The following GPRIN3 variants were observed in gnomAD, a reference collection of about 807,000 sequenced individuals.
GPRIN3 encodes GPRIN family member 3, also known as G protein-regulated inducer of neurite outgrowth 3.
GPRIN3 carries 12 observed loss-of-function variants against 13.7 expected under a neutral mutation model. The ratio of observed to expected loss-of-function variants is 0.87; its 90% CI spans 0.56 to 1.42. The LOEUF is 1.42. Among genes scored for constraint, GPRIN3 ranks in the 40% most tolerant of loss-of-function variants. The pLI is 0.00. For missense variants in GPRIN3, 1,009 were observed against 958.7 expected (o/e 1.05, Z -0.69); for synonymous variants, 377 against 372.7 (o/e 1.01, Z -0.13).
chr4:89,298,672 T>C (rs1724808657), intron 1 of GPRIN3, among the ~76,000 whole-genome samples: 2 of 151,508 alleles, frequency 1.3e-5, no homozygotes, highest in Admixed American at 6.6e-5. Flanking sequence ...CATATATATA[T>C]ATGTATATAT....
At chr4:89,290,846 G>A (rs1208028026) in intron 1 of GPRIN3, among the ~76,000 whole-genome samples, 2 of 151,998 alleles carry the variant, frequency 1.3e-5, no homozygotes, top group African/African-American at 2.4e-5. Context: ...AGAGACTGCC[G>A]CATGCCCCAT....
At chr4:89,258,270 G>A (rs1029410910) in intron 1 of GPRIN3, among the ~76,000 whole-genome samples, 15 of 151,466 alleles carry the variant, frequency 9.9e-5, no homozygotes, top group African/African-American at 3.6e-4. Context: ...CTGTCACCAG[G>A]GTGGAGCACA....
At chr4:89,282,078 T>C (rs762805053) in intron 1 of GPRIN3, among the ~76,000 whole-genome samples, 1 of 152,228 alleles carries the variant, frequency 6.6e-6, no homozygotes, top group Admixed American at 6.5e-5. Flanking sequence ...CAGTTATTGT[T>C]TGGTGAATGC....
chr4:89,302,243 C>G (rs939771714), intron 1 of GPRIN3, among the ~76,000 whole-genome samples: 6 of 152,164 alleles, frequency 3.9e-5, no homozygotes, highest in Non-Finnish European at 7.3e-5. Context: ...TGGACATTGT[C>G]TTCAGGTCCT....
rs1200454447 is a variant in GPRIN3, at chr4:89,238,923, G to A, written c.*8857C>T. 6.6e-6 allele frequency: 1 copy of A among 152,008 alleles called. No individual in the cohort carries two copies. Among genetic ancestry groups the A allele is most frequent in the Non-Finnish European group, 1.5e-5 (1 of 67,992 alleles). The allele number at this position is 152,008 out of a possible 1,614,324, so 9.4% of individuals were successfully genotyped here. A position where few individuals can be genotyped will look rare whatever the true frequency, so the allele number is the denominator to read the frequency against. The stretch of plus-strand genomic sequence containing the variant: ...AAAATCATAATCTAAATTTTTTGAT[G>A]GTAAAACTAAGTCATTAGTTGAATA... On this transcript the variant is annotated 3_prime_UTR_variant, in exon 2 of 2. Coordinates refer to ENST00000609438, the MANE Select transcript of GPRIN3 (RefSeq NM_198281.3).
At chr4:89,251,792 A>C (rs1385241221) in intron 1 of GPRIN3, among the ~76,000 whole-genome samples, 3 of 152,188 alleles carry the variant, frequency 2.0e-5, no homozygotes. Flanking sequence ...TCTGTGTATG[A>C]TTACATAAAT....
chr4:89,278,219 G>A (rs1035442447), intron 1 of GPRIN3, among the ~76,000 whole-genome samples: 3 of 152,000 alleles, frequency 2.0e-5, no homozygotes, highest in South Asian at 2.1e-4. Flanking sequence ...AGAAAGGATC[G>A]ATCATTATGT....
chr4:89,277,743 T>A (rs1561212794), intron 1 of GPRIN3, among the ~76,000 whole-genome samples: 1 of 152,232 alleles, frequency 6.6e-6, no homozygotes. Context: ...TTTCACGCTG[T>A]GGTCACTGAT....
intron 1 of GPRIN3, among the ~76,000 whole-genome samples, chr4:89,252,945 A>T (rs1289419065): frequency 6.7e-6 from 1 of 149,836 alleles, no homozygotes; most frequent in Non-Finnish European, 1.5e-5. Flanking sequence ...TCAAGGCCCC[A>T]CTTAAATCCC....
intron 1 of GPRIN3, among the ~76,000 whole-genome samples, chr4:89,268,526 C>G (rs1156284355): frequency 6.6e-6 from 1 of 152,282 alleles, no homozygotes; most frequent in South Asian, 2.1e-4. Context: ...GGCACCTCTG[C>G]TACCCCTCCC....
At chr4:89,256,662 G>C (rs938709945) in intron 1 of GPRIN3, among the ~76,000 whole-genome samples, 7 of 152,066 alleles carry the variant, frequency 4.6e-5, no homozygotes, top group African/African-American at 1.7e-4. Flanking sequence ...CTAGAACAAG[G>C]GCTCCAGGAT....
intron 1 of GPRIN3, among the ~76,000 whole-genome samples, chr4:89,302,460 A>G (rs2174326): frequency 0.39 from 59,956 of 151,964 alleles, 12,601 homozygotes; most frequent in East Asian, 0.54. Context: ...ACAGATTTCT[A>G]AGCCCCACCT....
At chr4:89,264,528 T>C (rs971134324) in intron 1 of GPRIN3, among the ~76,000 whole-genome samples, 3 of 152,202 alleles carry the variant, frequency 2.0e-5, no homozygotes, top group Admixed American at 2.0e-4. Flanking sequence ...TTCTCTTCCC[T>C]GCATACTTGG....
intron 1 of GPRIN3, among the ~76,000 whole-genome samples, chr4:89,278,635 T>C (rs538438857): frequency 6.6e-6 from 1 of 152,330 alleles, no homozygotes; most frequent in African/African-American, 2.4e-5. Context: ...TTACTTTGAT[T>C]AGCCACCTTT....
chr4:89,240,561 C>T lies in GPRIN3; in HGVS notation c.*7219G>A, dbSNP rs566574449. 1 of 152,110 alleles carries T rather than the reference C, an allele frequency of 6.6e-6. No homozygotes were observed. Among genetic ancestry groups the T allele is most frequent in the Middle Eastern group, 3.2e-3 (1 of 316 alleles). The allele number at this position is 152,110 out of a possible 1,614,324, so 9.4% of individuals were successfully genotyped here. ...CCAAAAGGAGTCTCCAAAACATAAT[C>T]GATTTTCATCCCTGTTTGCCATTTC... is the stretch of plus-strand genomic sequence containing the variant. On this transcript the variant is annotated 3_prime_UTR_variant, in exon 2 of 2. Coordinates refer to ENST00000609438, the MANE Select transcript of GPRIN3 (RefSeq NM_198281.3).
intron 1 of GPRIN3, among the ~76,000 whole-genome samples, chr4:89,288,220 TG>T (rs1724475879): frequency 6.6e-6 from 1 of 152,186 alleles, no homozygotes; most frequent in South Asian, 2.1e-4. Context: ...AGAAAAGACA[TG>T]TGATCCCAAA....
In GPRIN3 at chr4:89,237,758, C is replaced by T. The variant is rs753516659; in HGVS notation, c.*10022G>A. 5.3e-5 allele frequency: 8 copies of T among 152,144 alleles called. No individual in the cohort carries two copies. The highest frequency in any genetic ancestry group is 1.0e-4 in the Non-Finnish European group (7 of 68,036). The allele number at this position is 152,144 out of a possible 1,614,324, so 9.4% of individuals were successfully genotyped here. Reference sequence around the variant, plus strand: ...TTATATTGTTTACAAAAGGCAAACCCTTCACAAGAAACAAGAGGTATTTTG... The same window carrying T: ...TTATATTGTTTACAAAAGGCAAACCTTTCACAAGAAACAAGAGGTATTTTG... On this transcript the variant is annotated 3_prime_UTR_variant, in exon 2 of 2. Transcript: ENST00000609438.
At chr4:89,276,140 T>A (rs1397935713) in intron 1 of GPRIN3, among the ~76,000 whole-genome samples, 2 of 152,116 alleles carry the variant, frequency 1.3e-5, no homozygotes, top group Non-Finnish European at 2.9e-5. Context: ...GGTATTTTTT[T>A]ATGATAACAA....
At chr4:89,285,490 A>T (rs1180999877) in intron 1 of GPRIN3, among the ~76,000 whole-genome samples, 1 of 152,176 alleles carries the variant, frequency 6.6e-6, no homozygotes, top group Non-Finnish European at 1.5e-5. Context: ...TTATTTGTGC[A>T]GTGGGCAGGA....
Sources: allele counts gnomAD v4.1 joint callset (sites outside exome capture counted in the v4.1 genomes callset), GRCh38; gene constraint gnomAD v4.1.1; transcripts MANE v1.5; gene names NCBI Gene and HGNC (gene_info 2026-07-23, HGNC 2026-07-21).